SVIL: variants seen among roughly 807,000 people sequenced by gnomAD.
The protein encoded by SVIL is supervillin, also known as archvillin.
SVIL carries 101 observed loss-of-function variants against 240.4 expected under a neutral mutation model. That is an observed-to-expected ratio of 0.42 (90% CI 0.36 to 0.50). SVIL has a LOEUF of 0.50. Ranked by LOEUF, SVIL falls within the 20% of genes least tolerant of loss-of-function variation. The pLI is 0.01. For synonymous variants in SVIL, 999 were observed against 1,100.0 expected, an observed-to-expected ratio of 0.91 and a Z score of 1.82; for missense variants, 2,512 against 2,818.7, an observed-to-expected ratio of 0.89 and a Z score of 2.46.
chr10:29,493,206 T>C lies in SVIL; in HGVS notation c.4019+8A>G. On this transcript the variant is annotated splice_region_variant and intron_variant, in intron 21 of 37. Transcript: ENST00000355867. Reference sequence around the variant, plus strand: ...AGTGGAGGAAAGACGGAGACCCAAATAACTCACTTGGGTGCATAAGGATCG... The same window carrying C: ...AGTGGAGGAAAGACGGAGACCCAAACAACTCACTTGGGTGCATAAGGATCG... 1 of 1,612,282 alleles carries C rather than the reference T, an allele frequency of 6.2e-7. No homozygotes were observed. The highest frequency in any genetic ancestry group is 2.2e-5 in the East Asian group (1 of 44,822).
At position 29,522,555 on chromosome 10, in the gene SVIL, A is replaced by G. The variant is rs1189066096; in HGVS notation, c.3244T>C (p.Ser1082Pro). Reference sequence around the variant, plus strand: ...TCCGAAGAATCCTGGGGCTTCCAGGACACGGGGGCTGTGGTTTGAGCAATA... The same window carrying G: ...TCCGAAGAATCCTGGGGCTTCCAGGGCACGGGGGCTGTGGTTTGAGCAATA... ...KTIAQTTAPV[S>P]WKPQDSSEQP... Residue 1082 changes from serine to proline, a missense_variant, in exon 16 of 38, where the codon TCC (serine) becomes CCC (proline). Ser to Pro is a moderately conservative substitution (Grantham distance 74). Transcript: ENST00000355867. The G allele has an allele frequency of 2.5e-6, 4 of 1,614,172 alleles. No individual in the cohort carries two copies. In the South Asian group the frequency reaches 4.4e-5, roughly 18 times the overall value.
chr10:29,480,875 C>T (rs1192962189), intron 28 of SVIL, 62 bp from the exon 29 acceptor site: 2 of 1,539,346 alleles, frequency 1.3e-6, no homozygotes, highest in Non-Finnish European at 1.8e-6. Flanking sequence ...CCTTGTCATG[C>T]TCAATGCTGC....
At chr10:29,624,166 C>CAAAAA (rs58064632) in intron 1 of SVIL, among the ~76,000 whole-genome samples, 23 of 136,188 alleles carry the variant, frequency 1.7e-4, no homozygotes, top group South Asian at 4.8e-4. Context: ...AATGAGCTTT[C>CAAAAA]AAAAAAAAAA....
intron 1 of SVIL, chr10:29,602,208 T>C (rs540986864): frequency 5.7e-6 from 3 of 523,318 alleles, no homozygotes; most frequent in Non-Finnish European, 7.8e-6. Context: ...TTGCAATGAC[T>C]TAGGAGAAAC....
intron 1 of SVIL, among the ~76,000 whole-genome samples, chr10:29,731,154 C>T (rs567097231): frequency 4.9e-5 from 7 of 144,246 alleles, no homozygotes; most frequent in Non-Finnish European, 1.0e-4. Flanking sequence ...AAAGGTGCTG[C>T]CTCTGCTCTA....
chr10:29,560,745 C>T (rs1485545284), intron 3 of SVIL, among the ~76,000 whole-genome samples: 2 of 151,838 alleles, frequency 1.3e-5, no homozygotes, highest in Admixed American at 6.6e-5. Flanking sequence ...AATTGCTGGT[C>T]TTTCCAAATC....
intron 3 of SVIL, among the ~76,000 whole-genome samples, chr10:29,562,769 G>GAAAAAAAAAAAAAAA (rs34507610): frequency 8.6e-5 from 10 of 115,716 alleles, no homozygotes; most frequent in Non-Finnish European, 1.0e-4. Context: ...TCAAAAAAAA[G>GAAAAAAAAAAAAAAA]AAAAAAAAAA....
intron 3 of SVIL, among the ~76,000 whole-genome samples, chr10:29,650,436 G>T (rs1184340808): frequency 6.6e-6 from 1 of 152,110 alleles, no homozygotes; most frequent in Non-Finnish European, 1.5e-5. Context: ...TCCAGGAACT[G>T]CTACAGTCTC....
chr10:29,500,284 C>T (rs999745770), intron 17 of SVIL, among the ~76,000 whole-genome samples: 32 of 152,082 alleles, frequency 2.1e-4, no homozygotes, highest in African/African-American at 7.2e-4. Flanking sequence ...CCTCTGTCTT[C>T]AAGCCATCCC....
At chr10:29,537,557 A>C (rs1177557416) in intron 6 of SVIL, among the ~76,000 whole-genome samples, 1 of 152,246 alleles carries the variant, frequency 6.6e-6, no homozygotes, top group Non-Finnish European at 1.5e-5. Context: ...TAGAAAGAAA[A>C]AAAGGAAATT....
At chr10:29,477,646 G>A (rs868319684) in intron 29 of SVIL, among the ~76,000 whole-genome samples, 2 of 152,244 alleles carry the variant, frequency 1.3e-5, no homozygotes, top group African/African-American at 4.8e-5. Context: ...GAGCTTCCGC[G>A]TTGGTTACGG....
chr10:29,634,722 A>G lies in SVIL; in HGVS notation c.-503T>C, dbSNP rs1266414925. On this transcript the variant is annotated 5_prime_UTR_variant, in exon 1 of 38. Transcript: ENST00000355867. ...ATGATTCAGAACAGGATAAATTTAG[A>G]ATGGTGTTTTCCAAAAGGCTTTTTG... The G allele has an allele frequency of 1.3e-5, 2 of 152,224 alleles. No homozygotes were observed. The highest frequency in any genetic ancestry group is 2.4e-5 in the African/African-American group (1 of 41,448). 9.4% of individuals were successfully genotyped at this position (152,224 alleles called of 1,614,324 possible). A position where few individuals can be genotyped will look rare whatever the true frequency, so the allele number is the denominator to read the frequency against.
At chr10:29,476,657 A>G (rs183420877) in intron 29 of SVIL, among the ~76,000 whole-genome samples, 1 of 152,176 alleles carries the variant, frequency 6.6e-6, no homozygotes, top group Non-Finnish European at 1.5e-5. Flanking sequence ...TTCCCACCTC[A>G]GCTTCCCAAA....
chr10:29,500,582 CCTT>C (rs1270547634), intron 17 of SVIL, among the ~76,000 whole-genome samples: 2 of 152,128 alleles, frequency 1.3e-5, no homozygotes, highest in African/African-American at 2.4e-5. Flanking sequence ...GCACTCCACA[CCTT>C]CTTCTAGGAG....
chr10:29,510,501 G>A (rs1482861689), intron 17 of SVIL, among the ~76,000 whole-genome samples: 1 of 150,252 alleles, frequency 6.7e-6, no homozygotes, highest in Non-Finnish European at 1.5e-5. Flanking sequence ...GCACACTCAC[G>A]GCAGCAGCCT....
At chr10:29,659,614 A>AT (rs373122047) in intron 2 of SVIL, among the ~76,000 whole-genome samples, 32 of 152,166 alleles carry the variant, frequency 2.1e-4, no homozygotes, top group Non-Finnish European at 4.0e-4. Context: ...CTAGGAAAAA[A>AT]TCATCTTGTG....
At position 29,494,951 on chromosome 10, in the gene SVIL, G is replaced by T. The variant is rs1399181448; in HGVS notation, c.3804C>A (p.Asp1268Glu). 6.2e-7 allele frequency: 1 copy of T among 1,614,094 alleles called. No individual in the cohort carries two copies. The highest frequency in any genetic ancestry group is 1.7e-5 in the Admixed American group (1 of 60,016). ...GCCTTCTTAGAAAGGTTTCCAGCCT[G>T]TCCAACTTCAGGTCCGATTCTAACT... Reference protein sequence around the residue: ...DMQLESDLKLDRLETFLRRLN... With the variant: ...DMQLESDLKLERLETFLRRLN... The change falls in exon 20 of 38, where the codon GAC (aspartate) becomes GAA (glutamate). Residue 1268 changes from aspartate (D) to glutamate (E), a missense_variant. Transcript: ENST00000355867.
At chr10:29,663,644 C>T (rs1208869467) in intron 2 of SVIL, among the ~76,000 whole-genome samples, 1 of 152,230 alleles carries the variant, frequency 6.6e-6, no homozygotes, top group Non-Finnish European at 1.5e-5. Flanking sequence ...GCGTGAGCCA[C>T]CATGCCCTGG....
At chr10:29,678,972 G>A (rs919992684) in intron 2 of SVIL, among the ~76,000 whole-genome samples, 1 of 152,190 alleles carries the variant, frequency 6.6e-6, no homozygotes, top group East Asian at 1.9e-4. Flanking sequence ...TTGGGAAGCT[G>A]AGGTAGGTGG....
Sources: gnomAD v4.1 joint callset for allele counts (sites outside exome capture counted in the v4.1 genomes callset) on GRCh38, gnomAD v4.1.1 for gene constraint, MANE v1.5 for transcripts, NCBI Gene and HGNC (gene_info 2026-07-23, HGNC 2026-07-21) for gene names.